The following DNM2 variants were observed in gnomAD, a reference collection of about 807,000 sequenced individuals.
The protein encoded by DNM2 is dynamin 2, also known as dynamin-2.
Under a neutral mutation model 99.0 loss-of-function variants are expected in DNM2, and 15 were observed. That is an observed-to-expected ratio of 0.15 (90% confidence interval 0.10 to 0.23). The LOEUF (loss-of-function observed/expected upper bound fraction) is 0.23. Among genes scored for constraint, DNM2 ranks in the 10% least tolerant of loss-of-function variants. DNM2 has a pLI of 1.00. For missense variants in DNM2, 742 were observed against 1,189.4 expected (o/e 0.62, Z 5.53); for synonymous variants, 525 against 481.2 (o/e 1.09, Z -1.19).
rs117843888 is a variant in DNM2, at chr19:10,802,610, C to G, written c.1493+252C>G. 0.013 allele frequency: 6,935 copies of G among 548,994 alleles called. 80 individuals are homozygous for G. Among genetic ancestry groups the G allele is most frequent in the Non-Finnish European group, 0.017 (5,034 of 299,836 alleles). The allele number at this position is 548,994 out of a possible 1,614,324, so 34.0% of individuals were successfully genotyped here. On this transcript the variant is annotated intron_variant, in intron 12 of 20. Coordinates refer to ENST00000389253, the MANE Select transcript of DNM2 (RefSeq NM_001005361.3). ...TTTAGGGAGAGGGCAGTGCTATGTTCAGATCTGCAGGGAGAGGGGGAAGCC... is the reference window on the plus strand; with the variant it reads ...TTTAGGGAGAGGGCAGTGCTATGTTGAGATCTGCAGGGAGAGGGGGAAGCC...
chr19:10,773,656 C>T (rs918214459), intron 3 of DNM2, among the ~76,000 whole-genome samples: 6 of 151,162 alleles, frequency 4.0e-5, no homozygotes, highest in South Asian at 4.2e-4. Context: ...TTAGTAGAGA[C>T]GGGGTTTCAC....
intron 6 of DNM2, 31 bp from the exon 7 acceptor site, chr19:10,786,533 C>T (rs779421569): frequency 6.2e-7 from 1 of 1,613,712 alleles, no homozygotes. Context: ...GCCCATGCCA[C>T]CCTTTCTGAT....
chr19:10,731,984 C>T (rs1252522249), intron 1 of DNM2, among the ~76,000 whole-genome samples: 8 of 141,978 alleles, frequency 5.6e-5, no homozygotes, highest in South Asian at 2.2e-4. Flanking sequence ...GACGGAGTTT[C>T]GCTGTTGTTG....
intron 1 of DNM2, among the ~76,000 whole-genome samples, chr19:10,722,253 A>C (rs1279824972): frequency 6.6e-5 from 10 of 151,362 alleles, no homozygotes; most frequent in Non-Finnish European, 1.5e-5. Context: ...AGTCCCCACT[A>C]CTCCCTAGCA....
Position 10,798,473 on chromosome 19 carries a change from C to T in DNM2, c.1336-13C>T, listed in dbSNP as rs369058231. ...GGACCCCGCCAATGCGACCACTCTGCTTGTTCCCCCAGCTCAGTTCCTACC... is the reference window on the plus strand; with the variant it reads ...GGACCCCGCCAATGCGACCACTCTGTTTGTTCCCCCAGCTCAGTTCCTACC... On this transcript the variant is annotated splice_polypyrimidine_tract_variant and intron_variant, in intron 10 of 20. Coordinates refer to ENST00000389253, the MANE Select transcript of DNM2 (RefSeq NM_001005361.3). 8.7e-6 allele frequency: 14 copies of T among 1,614,106 alleles called. No homozygotes were observed. The African/African-American group carries it at 1.7e-4, about 20-fold the overall frequency.
intron 1 of DNM2, among the ~76,000 whole-genome samples, chr19:10,756,883 A>C (rs1209040497): frequency 1.3e-5 from 2 of 151,872 alleles, no homozygotes; most frequent in Admixed American, 6.6e-5. Flanking sequence ...TTCGCCCCTG[A>C]TGTCACTCAC....
intron 11 of DNM2, among the ~76,000 whole-genome samples, chr19:10,799,096 G>A (rs931003593): frequency 3.3e-5 from 5 of 152,152 alleles, no homozygotes; most frequent in Admixed American, 6.5e-5. Context: ...GCGTGGTGGC[G>A]CATGCCTGTG....
At chr19:10,809,428 A>C (rs972995826) in intron 14 of DNM2, 1 of 152,334 alleles carries the variant, frequency 6.6e-6, no homozygotes, top group East Asian at 1.9e-4. Flanking sequence ...ATCTTGTACC[A>C]GTCGATTGAC....
chr19:10,814,421 G>A lies in DNM2; in HGVS notation c.1671+2044G>A, dbSNP rs539482563. Among the ~76,000 whole-genome samples the A allele has an allele frequency of 5.9e-5, 9 of 152,066 alleles. No homozygotes were observed. In the South Asian group the frequency reaches 1.7e-3, roughly 28 times the overall value. On this transcript the variant is annotated intron_variant, in intron 15 of 20. Transcript: ENST00000389253. Reference sequence around the variant, plus strand: ...AGAGGTTGCGGTGAGCCAAAATTGCGCCATTGCACTCCAGCCTGGGCAACA... The same window carrying A: ...AGAGGTTGCGGTGAGCCAAAATTGCACCATTGCACTCCAGCCTGGGCAACA...
intron 5 of DNM2, among the ~76,000 whole-genome samples, chr19:10,779,502 CTTTTTTTT>C (rs55819116): frequency 4.4e-4 from 13 of 29,626 alleles, no homozygotes; most frequent in African/African-American, 7.0e-4. Context: ...TTCTTTCTTT[CTTTTTTTT>C]TTTTTTTTTT....
chr19:10,786,295 C>T, intron 6 of DNM2: 1 of 532,670 alleles, frequency 1.9e-6, no homozygotes, highest in Middle Eastern at 5.2e-4. Flanking sequence ...GTTGCTTGTC[C>T]TCCAAGGCGT....
chr19:10,738,215 G>A (rs1271904587), intron 1 of DNM2, among the ~76,000 whole-genome samples: 6 of 151,966 alleles, frequency 3.9e-5, no homozygotes, highest in Admixed American at 3.3e-4. Context: ...CCAAGATCAC[G>A]CCGCTGTACT....
chr19:10,793,733 T>C lies in DNM2; in HGVS notation c.1006T>C (p.Phe336Leu). The change falls in exon 8 of 21, where the codon TTT becomes CTT. Residue 336 changes from phenylalanine to leucine, a missense_variant. Phe to Leu is a conservative substitution (Grantham distance 22, BLOSUM62 0). Around this residue, in one of 7 missense-constraint regions of DNM2, gnomAD observed 14 missense variants for 31.7 expected, o/e 0.44. Transcript: ENST00000389253. Reference protein sequence around the residue: ...TKALLQMVQQFGVDFEKRIEG... With the variant: ...TKALLQMVQQLGVDFEKRIEG... ...TTTTCCTCATAGGATGGTCCAGCAG[T>C]TTGGGGTGGATTTTGAGAAGAGGAT... 6.2e-7 allele frequency: 1 copy of C among 1,614,014 alleles called. No individual in the cohort carries two copies. The highest frequency in any genetic ancestry group is 1.3e-5 in the African/African-American group (1 of 74,990).
chr19:10,782,901 G>A (rs565149048), intron 5 of DNM2, 59 bp from the exon 6 acceptor site: 44 of 1,611,704 alleles, frequency 2.7e-5, no homozygotes, highest in East Asian at 2.0e-4. Context: ...GCCCATCCCC[G>A]TGCCAGGTCC....
At chr19:10,740,233 C>T (rs2069693435) in intron 1 of DNM2, among the ~76,000 whole-genome samples, 1 of 151,916 alleles carries the variant, frequency 6.6e-6, no homozygotes, top group Non-Finnish European at 1.5e-5. Flanking sequence ...GTGGTGTTAA[C>T]TTCTCTCTCC....
At chr19:10,750,431 AT>A (rs1385266333) in intron 1 of DNM2, among the ~76,000 whole-genome samples, 1 of 151,904 alleles carries the variant, frequency 6.6e-6, no homozygotes, top group Non-Finnish European at 1.5e-5. Flanking sequence ...GTGAGGTATG[AT>A]TGTGCCACTG....
rs186587683 is a variant in DNM2, at chr19:10,776,242, G to A, written c.589+336G>A. 4.7e-4 allele frequency among the ~76,000 whole-genome samples: 71 copies of A among 152,318 alleles called. 1 individual carries two copies. In the East Asian group the frequency reaches 0.012, roughly 25 times the overall value. On this transcript the variant is annotated intron_variant, in intron 4 of 20. Coordinates refer to ENST00000389253, the MANE Select transcript of DNM2 (RefSeq NM_001005361.3). ...GCTGTTACTCTGCTCCCTGAGACAT[G>A]GTCCCCTCTTAGTCAGAACGGGAAC...
At chr19:10,784,412 T>C (rs2071483807) in intron 6 of DNM2, among the ~76,000 whole-genome samples, 1 of 152,004 alleles carries the variant, frequency 6.6e-6, no homozygotes, top group African/African-American at 2.4e-5. Flanking sequence ...GCTGGGGTGC[T>C]TACAAACGGG....
chr19:10,801,149 A>G (rs1035986256), intron 11 of DNM2, among the ~76,000 whole-genome samples: 5 of 152,032 alleles, frequency 3.3e-5, no homozygotes, highest in Non-Finnish European at 7.4e-5. Context: ...CTACTAAAAT[A>G]CAAAAAATTA....
Sources: allele counts gnomAD v4.1 joint callset (sites outside exome capture counted in the v4.1 genomes callset), GRCh38; gene constraint gnomAD v4.1.1; regional missense constraint gnomAD v4.1.1; transcripts MANE v1.5; gene names NCBI Gene and HGNC (gene_info 2026-07-23, HGNC 2026-07-21).